NPY2R: variants seen among roughly 807,000 people sequenced by gnomAD.
The protein encoded by NPY2R is neuropeptide Y receptor type 2.
NPY2R carries 17 observed loss-of-function variants against 22.3 expected under a neutral mutation model. The ratio of observed to expected loss-of-function variants is 0.76; its 90% CI spans 0.52 to 1.14. The LOEUF is 1.14. Among genes scored for constraint, NPY2R ranks in the 50% most tolerant of loss-of-function variants. The pLI is 0.00. For missense variants in NPY2R, 424 were observed against 467.9 expected (o/e 0.91, Z 0.87); for synonymous variants, 209 against 183.4 (o/e 1.14, Z -1.13).
the NPY2R span, among the ~76,000 whole-genome samples, chr4:155,175,019 T>C: frequency 6.6e-6 from 1 of 152,134 alleles, no homozygotes; most frequent in Non-Finnish European, 1.5e-5. Flanking sequence ...CTTAATCTTC[T>C]ATATGAAAGG....
Position 155,214,580 on chromosome 4 carries a change from T to A in NPY2R, c.641T>A (p.Ile214Asn). The change falls in exon 2 of 2, where the codon ATC (isoleucine) becomes AAC (asparagine). Residue 214 changes from isoleucine to asparagine, a missense_variant. Physicochemically the swap from Ile to Asn is moderately radical, Grantham distance 149 (BLOSUM62 -3). Coordinates refer to ENST00000329476, the MANE Select transcript of NPY2R (RefSeq NM_000910.4). ...TEKWPGEEKS[I>N]YGTVYSLSSL... ...AAGTGGCCTGGCGAGGAGAAGAGCA[T>A]CTATGGCACTGTCTATAGTCTTTCT... 6.2e-7 allele frequency: 1 copy of A among 1,614,206 alleles called. No individual in the cohort carries two copies. Among genetic ancestry groups the A allele is most frequent in the African/African-American group, 1.3e-5 (1 of 75,064 alleles).
the NPY2R span, among the ~76,000 whole-genome samples, chr4:155,193,627 G>A: frequency 4.0e-5 from 6 of 151,898 alleles, no homozygotes; most frequent in Admixed American, 3.3e-4. Context: ...GAGATGTGAG[G>A]TCCACCTAGG....
chr4:155,213,023 A>T (rs1261776013), intron 1 of NPY2R, among the ~76,000 whole-genome samples: 4 of 152,208 alleles, frequency 2.6e-5, no homozygotes, highest in Admixed American at 2.6e-4. Flanking sequence ...AAGTGAAGTA[A>T]CTAGGATGGA....
rs753314589 is a variant in NPY2R at position 155,214,422 on chromosome 4, C to T, written c.483C>T (p.Ser161=). Residue 161 remains serine, a synonymous_variant, in exon 2 of 2, where the codon TCC becomes TCT. Coordinates refer to ENST00000329476, the MANE Select transcript of NPY2R (RefSeq NM_000910.4). ...TCTACCACCTAGAGAGCAAGATCTC[C>T]AAGCGAATCAGCTTCCTGATTATTG... ...CIVYHLESKI[S]KRISFLIIGL... 17 of 1,613,984 alleles carry T rather than the reference C, an allele frequency of 1.1e-5. No individual in the cohort carries two copies. The highest frequency in any genetic ancestry group is 1.4e-5 in the Non-Finnish European group (17 of 1,180,022).
chr4:155,207,303 A>AT (rs1729301250), upstream of NPY2R: 1 of 135,598 alleles, frequency 7.4e-6, no homozygotes, highest in South Asian at 2.4e-4. Flanking sequence ...AAACAGATAA[A>AT]TATTTTTTTT....
the NPY2R span, among the ~76,000 whole-genome samples, chr4:155,198,360 A>G: frequency 6.6e-6 from 1 of 150,902 alleles, no homozygotes; most frequent in African/African-American, 2.4e-5. Flanking sequence ...ACCCTTTTTC[A>G]GTGGAGTCAA....
the NPY2R span, among the ~76,000 whole-genome samples, chr4:155,185,041 T>TAC: frequency 2.2e-5 from 2 of 92,472 alleles, no homozygotes; most frequent in Non-Finnish European, 4.1e-5. Flanking sequence ...TATATATATA[T>TAC]ATATTTTTTT....
chr4:155,196,692 A>C, the NPY2R span, among the ~76,000 whole-genome samples: 1 of 151,928 alleles, frequency 6.6e-6, no homozygotes, highest in Non-Finnish European at 1.5e-5. Context: ...AGAGAGTCAT[A>C]GTCAAGAGTG....
rs149021972 is a variant in NPY2R, at chr4:155,214,686, T to C, written c.747T>C (p.His249=). The C allele has an allele frequency of 3.2e-5, 51 of 1,614,224 alleles. No individual in the cohort carries two copies. The African/African-American group carries it at 5.3e-4, about 17-fold the overall frequency. ...GCATTTGGAGTAAATTGAAGAACCA[T>C]GTCAGTCCTGGAGCTGCAAATGACC... ...YTRIWSKLKN[H]VSPGAANDHY... is the part of the protein sequence containing the mutation. Residue 249 remains histidine (H), a synonymous_variant, in exon 2 of 2, where the codon CAT becomes CAC. Coordinates refer to ENST00000329476, the MANE Select transcript of NPY2R (RefSeq NM_000910.4).
At chr4:155,203,025 C>A in the NPY2R span, among the ~76,000 whole-genome samples, 5 of 151,898 alleles carry the variant, frequency 3.3e-5, no homozygotes, top group African/African-American at 1.2e-4. Flanking sequence ...ATTTAAATAC[C>A]CTTTTAGATT....
upstream of NPY2R, among the ~76,000 whole-genome samples, chr4:155,205,174 G>A (rs572153357): frequency 6.7e-4 from 102 of 152,240 alleles, no homozygotes; most frequent in Non-Finnish European, 1.2e-3. Flanking sequence ...CTAGCCACAC[G>A]TCAAGTGCTC....
intron 1 of NPY2R, among the ~76,000 whole-genome samples, chr4:155,209,369 C>T (rs1200199030): frequency 6.6e-6 from 1 of 152,198 alleles, no homozygotes; most frequent in Non-Finnish European, 1.5e-5. Context: ...AAATCAAACA[C>T]TTGTCTAAAG....
chr4:155,207,626 C>T (rs1194986233), upstream of NPY2R: 1 of 152,274 alleles, frequency 6.6e-6, no homozygotes, highest in Non-Finnish European at 1.5e-5. Context: ...GAAATAGACG[C>T]TGCTGCTCTG....
At chr4:155,213,661 A>G (rs1435906792) in intron 1 of NPY2R, among the ~76,000 whole-genome samples, 1 of 152,218 alleles carries the variant, frequency 6.6e-6, no homozygotes, top group African/African-American at 2.4e-5. Context: ...GTCATAGCAT[A>G]TATTTCAGAA....
At chr4:155,213,175 G>T (rs1266265895) in intron 1 of NPY2R, among the ~76,000 whole-genome samples, 42 of 152,062 alleles carry the variant, frequency 2.8e-4, no homozygotes, top group Non-Finnish European at 5.9e-5. Context: ...ACTACATATT[G>T]GGTACAAGGT....
At chr4:155,206,497 A>G (rs1300049329), upstream of NPY2R, 4 of 152,244 alleles carry the variant, frequency 2.6e-5, no homozygotes, top group South Asian at 2.1e-4. Flanking sequence ...AATATGATAC[A>G]CTATGAAGTG....
At chr4:155,176,935 G>A in the NPY2R span, among the ~76,000 whole-genome samples, 1 of 152,098 alleles carries the variant, frequency 6.6e-6, no homozygotes, top group African/African-American at 2.4e-5. Flanking sequence ...GAGCAGAAAA[G>A]GGCCTAAGCT....
the NPY2R span, among the ~76,000 whole-genome samples, chr4:155,189,280 C>T: frequency 2.0e-5 from 3 of 152,010 alleles, no homozygotes. Context: ...TGTACCTCCT[C>T]AGTATAATCT....
At chr4:155,212,771 C>A (rs760032048) in intron 1 of NPY2R, among the ~76,000 whole-genome samples, 1 of 152,036 alleles carries the variant, frequency 6.6e-6, no homozygotes, top group African/African-American at 2.4e-5. Flanking sequence ...TACTAGTCTG[C>A]GGGTTCTCTT....
Sources: gnomAD v4.1 joint callset for allele counts (sites outside exome capture counted in the v4.1 genomes callset) on GRCh38, gnomAD v4.1.1 for gene constraint, MANE v1.5 for transcripts, NCBI Gene and HGNC (gene_info 2026-07-23, HGNC 2026-07-21) for gene names.